Variants in CCDC171 observed in about 807,000 individuals in gnomAD.
CCDC171 encodes coiled-coil domain-containing protein 171.
A neutral mutation model predicts 168.2 loss-of-function variants in CCDC171; 177 were observed. The ratio of observed to expected loss-of-function variants is 1.05; its 90% confidence interval spans 0.93 to 1.19. The LOEUF (loss-of-function observed/expected upper bound fraction) is 1.19, where lower values mean the gene tolerates loss of function less well. Among genes scored for constraint, CCDC171 ranks in the 50% most tolerant of loss-of-function variants. The pLI is 0.00. For synonymous variants in CCDC171, 687 were observed against 540.8 expected (o/e 1.27, Z -3.75); for missense variants, 1,991 against 1,539.0 (o/e 1.29, Z -4.91).
At chr9:15,595,650 T>G (rs905152327) in intron 6 of CCDC171, among the ~76,000 whole-genome samples, 5 of 152,196 alleles carry the variant, frequency 3.3e-5, no homozygotes, top group Admixed American at 2.6e-4. Flanking sequence ...TTATAATCCT[T>G]TGGTATATAC....
chr9:15,998,010 T>G (rs1053903995), intron 3 of CCDC171, among the ~76,000 whole-genome samples: 1 of 152,184 alleles, frequency 6.6e-6, no homozygotes. Flanking sequence ...AGCTGTAGCT[T>G]GTACTTCCAT....
intron 25 of CCDC171, among the ~76,000 whole-genome samples, chr9:15,970,537 C>T (rs1589280332): frequency 6.6e-6 from 1 of 152,072 alleles, no homozygotes; most frequent in Non-Finnish European, 1.5e-5. Context: ...TTCCTGCCAT[C>T]TTTAAATGTC....
chr9:15,943,615 CAT>C (rs1432011575), intron 25 of CCDC171, among the ~76,000 whole-genome samples: 1 of 151,966 alleles, frequency 6.6e-6, no homozygotes, highest in Non-Finnish European at 1.5e-5. Flanking sequence ...GTACCTGACT[CAT>C]TGCCAAGTGC....
At chr9:15,576,574 C>G (rs1429685579) in intron 3 of CCDC171, among the ~76,000 whole-genome samples, 1 of 152,100 alleles carries the variant, frequency 6.6e-6, no homozygotes, top group Non-Finnish European at 1.5e-5. Context: ...CAAAACCACT[C>G]CCGTGTTCTT....
chr9:16,090,736 T>G, the CCDC171 span, among the ~76,000 whole-genome samples: 1 of 152,222 alleles, frequency 6.6e-6, no homozygotes, highest in African/African-American at 2.4e-5. Flanking sequence ...TTATGAAGCC[T>G]AACATGAGTT....
intron 23 of CCDC171, among the ~76,000 whole-genome samples, chr9:15,865,398 A>G (rs72708847): frequency 4.6e-5 from 3 of 65,366 alleles, no homozygotes; most frequent in African/African-American, 1.3e-4. Context: ...GTGTGTGTGT[A>G]TGTATGTATA....
At chr9:15,785,011 A>C (rs1197798224) in intron 21 of CCDC171, among the ~76,000 whole-genome samples, 1 of 152,058 alleles carries the variant, frequency 6.6e-6, no homozygotes, top group Non-Finnish European at 1.5e-5. Flanking sequence ...CTCTCTTTAG[A>C]ATTTTCCTTT....
intron 7 of CCDC171, among the ~76,000 whole-genome samples, chr9:15,650,474 C>A (rs964197942): frequency 6.6e-6 from 1 of 152,046 alleles, no homozygotes; most frequent in African/African-American, 2.4e-5. Context: ...GTTTTCATTT[C>A]CCCAGTGACT....
chr9:15,906,188 C>G (rs982060065), intron 24 of CCDC171, among the ~76,000 whole-genome samples: 6 of 152,158 alleles, frequency 3.9e-5, no homozygotes, highest in Admixed American at 3.3e-4. Flanking sequence ...CCAGCATCAT[C>G]CTGATACCAA....
intron 6 of CCDC171, among the ~76,000 whole-genome samples, chr9:16,029,860 A>G (rs1215968083): frequency 6.6e-6 from 1 of 152,200 alleles, no homozygotes; most frequent in African/African-American, 2.4e-5. Flanking sequence ...GCCAACTGGG[A>G]CTAAGTCATA....
downstream of CCDC171, among the ~76,000 whole-genome samples, chr9:16,066,034 T>C (rs1353431648): frequency 6.6e-6 from 1 of 152,128 alleles, no homozygotes; most frequent in African/African-American, 2.4e-5. Flanking sequence ...CTTGACCCAA[T>C]CTAGGTCCTT....
chr9:15,766,652 T>C (rs1313847867), intron 18 of CCDC171, among the ~76,000 whole-genome samples: 1 of 126,824 alleles, frequency 7.9e-6, no homozygotes, highest in Non-Finnish European at 1.8e-5. Flanking sequence ...TTTATTTTTA[T>C]TTTATTTTAT....
In CCDC171 at chr9:15,751,376, A is replaced by G. The variant is rs371052464; in HGVS notation, c.2671+5745A>G. Among the ~76,000 whole-genome samples, 135 of 152,328 alleles carry G rather than the reference A, an allele frequency of 8.9e-4. 1 individual carries two copies. Among genetic ancestry groups the G allele is most frequent in the African/African-American group, 3.1e-3 (127 of 41,580 alleles). ...CAAAATAATTTATAGATTCAGTGCTATCCTCATCAAGCTGCCGCTGACTTT... is the reference window on the plus strand; with the variant it reads ...CAAAATAATTTATAGATTCAGTGCTGTCCTCATCAAGCTGCCGCTGACTTT... On this transcript the variant is annotated intron_variant, in intron 18 of 25. Coordinates refer to ENST00000380701, the MANE Select transcript of CCDC171 (RefSeq NM_173550.4).
intron 7 of CCDC171, among the ~76,000 whole-genome samples, chr9:15,639,923 T>C (rs2046468208): frequency 2.0e-5 from 3 of 152,184 alleles, no homozygotes; most frequent in Non-Finnish European, 4.4e-5. Context: ...TGAATTTTTG[T>C]CTACAACACA....
chr9:15,623,469 G>GCACACA lies in CCDC171; in HGVS notation c.822+57_822+58insACACAC, dbSNP rs1554714819. 4.1e-4 allele frequency: 215 copies of GCACACA among 529,856 alleles called. No homozygotes were observed. The African/African-American group carries it at 8.7e-3, about 21-fold the overall frequency. 32.8% of individuals were successfully genotyped at this position (529,856 alleles called of 1,614,324 possible). On this transcript the variant is annotated intron_variant, in intron 7 of 25. Coordinates refer to ENST00000380701, the MANE Select transcript of CCDC171 (RefSeq NM_173550.4). The stretch of plus-strand genomic sequence containing the variant: ...TGCGTACAAACTTTCACATATGCGC[G>GCACACA]CGCGCGCACACACACACACACACAC...
chr9:16,043,624 C>T (rs1833608186), intron 1 of CCDC171, among the ~76,000 whole-genome samples: 1 of 152,190 alleles, frequency 6.6e-6, no homozygotes, highest in African/African-American at 2.4e-5. Flanking sequence ...CTTCAAAGAC[C>T]AAAGGGAATC....
intron 1 of CCDC171, among the ~76,000 whole-genome samples, chr9:15,558,289 T>C (rs993593287): frequency 6.6e-6 from 1 of 152,194 alleles, no homozygotes; most frequent in Admixed American, 6.5e-5. Flanking sequence ...TTTCTATTGT[T>C]TGGAATAGTT....
chr9:15,742,864 C>T (rs995559743), intron 16 of CCDC171, among the ~76,000 whole-genome samples: 1 of 151,752 alleles, frequency 6.6e-6, no homozygotes, highest in African/African-American at 2.4e-5. Flanking sequence ...GTCTCAAATT[C>T]CTGGACTAAA....
chr9:15,906,709 A>G (rs963228306), intron 24 of CCDC171, among the ~76,000 whole-genome samples: 173 of 152,302 alleles, frequency 1.1e-3, no homozygotes, highest in Non-Finnish European at 2.1e-3. Context: ...AGGGTATTCA[A>G]TGAGGAAAAG....
Sources: gnomAD v4.1 joint callset for allele counts (sites outside exome capture counted in the v4.1 genomes callset) on GRCh38, gnomAD v4.1.1 for gene constraint, MANE v1.5 for transcripts, NCBI Gene and HGNC (gene_info 2026-07-23, HGNC 2026-07-21) for gene names.